The following TTLL7 variants were observed in gnomAD, a reference collection of about 807,000 sequenced individuals.
TTLL7 encodes the protein tubulin tyrosine ligase like 7, also known as tubulin polyglutamylase TTLL7.
TTLL7 carries 53 observed loss-of-function variants against 120.2 expected under a neutral mutation model. The observed-to-expected ratio is 0.44, with a 90% CI of 0.35 to 0.55. The LOEUF (loss-of-function observed/expected upper bound fraction) is 0.55, where lower values mean the gene tolerates loss of function less well. Among genes scored for constraint, TTLL7 ranks in the 20% least tolerant of loss-of-function variants. The pLI is 0.00. For missense variants in TTLL7, 803 were observed against 1,054.7 expected, an observed-to-expected ratio of 0.76 and a Z score of 3.31; for synonymous variants, 353 against 351.7, an observed-to-expected ratio of 1.00 and a Z score of -0.04.
chr1:83,870,003 G>T lies in TTLL7; in HGVS notation c.2623C>A (p.Arg875Ser), dbSNP rs764177870. Residue 875 changes from arginine to serine, a missense_variant, in exon 21 of 21, where the codon CGC (arginine) becomes AGC (serine). Physicochemically the swap from Arg to Ser is moderately radical, Grantham distance 110. This residue lies in a region of TTLL7 where 388 missense variants were observed against 450.4 expected (regional missense o/e 0.86). Coordinates refer to ENST00000260505, the MANE Select transcript of TTLL7 (RefSeq NM_024686.6). ...NLKYNSPGMT[R>S]SNVLFTSRYG... ...CTGGATGTAAACAAAACATTGGAGC[G>T]AGTCATTCCAGGTGAATTGTACTTC... is the stretch of plus-strand genomic sequence containing the variant. 1 of 1,591,242 alleles carries T rather than the reference G, an allele frequency of 6.3e-7. No individual in the cohort carries two copies. Among genetic ancestry groups the T allele is most frequent in the Admixed American group, 1.8e-5 (1 of 54,590 alleles).
rs1336151359 is a variant in TTLL7, at chr1:83,919,762, G to A, written c.1437C>T (p.Thr479=). The A allele has an allele frequency of 6.2e-7, 1 of 1,612,824 alleles. No individual in the cohort carries two copies. Among genetic ancestry groups the A allele is most frequent in the African/African-American group, 1.3e-5 (1 of 74,850 alleles). ...ATGAAGCTGCTCTTCCTGAAAGGAA[G>A]GTCTGAAAGGCAACAGCTAACAAAT... ...YENLLAVAFQ[T]FLSGRAASFQ... The change falls in exon 13 of 21, where the codon ACC becomes ACT. Residue 479 remains threonine, a synonymous_variant. Transcript: ENST00000260505.
chr1:83,905,285 A>G (rs1459207515), intron 17 of TTLL7, among the ~76,000 whole-genome samples: 3 of 151,866 alleles, frequency 2.0e-5, no homozygotes, highest in African/African-American at 7.2e-5. Context: ...ATATATAACA[A>G]CAAAATATAT....
At chr1:83,972,341 A>G (rs1557771095) in intron 1 of TTLL7, among the ~76,000 whole-genome samples, 3 of 152,068 alleles carry the variant, frequency 2.0e-5, no homozygotes, top group South Asian at 2.1e-4. Context: ...CTAGAATGTC[A>G]TATGGTTGGA....
chr1:83,890,409 C>T lies in TTLL7; in HGVS notation c.2281G>A (p.Val761Ile). 1 of 1,613,374 alleles carries T rather than the reference C, an allele frequency of 6.2e-7. No homozygotes were observed. The highest frequency in any genetic ancestry group is 8.5e-7 in the Non-Finnish European group (1 of 1,179,544). ...CGGTTGAAAATCCGATATAAATTTA[C>T]TTCTTCAACATCAGGCACCTTCCAG... is the stretch of plus-strand genomic sequence containing the variant. ...RIWKVPDVEE[V>I]NLYRIFNRVF... The change falls in exon 19 of 21, where the codon GTA becomes ATA. Residue 761 changes from valine (V) to isoleucine (I), a missense_variant. Around this residue, in one of 3 missense-constraint regions of TTLL7, gnomAD observed 388 missense variants for 450.4 expected, o/e 0.86. Coordinates refer to ENST00000260505, the MANE Select transcript of TTLL7 (RefSeq NM_024686.6).
chr1:83,875,618 C>T (rs765465996), intron 20 of TTLL7, among the ~76,000 whole-genome samples: 7 of 151,874 alleles, frequency 4.6e-5, no homozygotes, highest in Non-Finnish European at 7.4e-5. Context: ...TTTCACTTTA[C>T]AAGCAGGGTA....
chr1:83,941,396 T>C (rs1483648351), intron 7 of TTLL7, among the ~76,000 whole-genome samples: 3 of 152,264 alleles, frequency 2.0e-5, no homozygotes, highest in Non-Finnish European at 2.9e-5. Context: ...TACTTGGTGA[T>C]TGGCTTTATC....
chr1:83,866,348 C>T lies in TTLL7; in HGVS notation c.*3614G>A, dbSNP rs759889469. The T allele has an allele frequency of 2.0e-4, 31 of 151,614 alleles. No homozygotes were observed. The highest frequency in any genetic ancestry group is 7.3e-4 in the African/African-American group (30 of 41,374). 9.4% of individuals were successfully genotyped at this position (151,614 alleles called of 1,614,324 possible). ...AGTACTTTGACATGCTAAAGAAGAA[C>T]GTATTTGGATTATTAAAACATCTGA... On this transcript the variant is annotated 3_prime_UTR_variant, in exon 21 of 21. Transcript: ENST00000260505.
intron 1 of TTLL7, chr1:83,980,297 T>G (rs1651837278): frequency 6.6e-6 from 1 of 152,164 alleles, no homozygotes; most frequent in African/African-American, 2.4e-5. Context: ...TGGAGCCACA[T>G]TCTCCAAATG....
At chr1:83,885,307 T>G (rs1189238345) in intron 19 of TTLL7, among the ~76,000 whole-genome samples, 1 of 152,028 alleles carries the variant, frequency 6.6e-6, no homozygotes, top group African/African-American at 2.4e-5. Flanking sequence ...ATTTATTTCT[T>G]CATACTCTGG....
intron 10 of TTLL7, among the ~76,000 whole-genome samples, chr1:83,925,229 C>T (rs1659014744): frequency 6.6e-6 from 1 of 152,166 alleles, no homozygotes. Flanking sequence ...TGTCTCAAAG[C>T]ATCCCAAAAT....
intron 20 of TTLL7, among the ~76,000 whole-genome samples, chr1:83,873,910 AT>A (rs1420660476): frequency 6.6e-6 from 1 of 152,144 alleles, no homozygotes; most frequent in African/African-American, 2.4e-5. Context: ...AAAACTCAGG[AT>A]AAATAAAGCT....
chr1:83,983,226 G>A (rs1031111275), intron 1 of TTLL7, among the ~76,000 whole-genome samples: 1 of 152,160 alleles, frequency 6.6e-6, no homozygotes, highest in African/African-American at 2.4e-5. Flanking sequence ...AGCTACTCGA[G>A]AGGCTGAGGC....
rs71582911 is a variant in TTLL7 at position 83,909,269 on chromosome 1, C to CTTT, written c.1787-1611_1787-1609dup. Among the ~76,000 whole-genome samples, 131 of 99,276 alleles carry CTTT rather than the reference C, an allele frequency of 1.3e-3. 1 individual carries two copies. Among genetic ancestry groups the CTTT allele is most frequent in the East Asian group, 2.1e-3 (7 of 3,372 alleles). The allele number at this position is 99,276 out of a possible 152,430, so 65.1% of individuals were successfully genotyped here. A position where few individuals can be genotyped will look rare whatever the true frequency, so the allele number is the denominator to read the frequency against. ...TCATCACAGATTACTTTTTTTTTTCCTTTTTTTTTTTTTTTTTTTGCCTAC... is the reference window on the plus strand; with the variant it reads ...TCATCACAGATTACTTTTTTTTTTCCTTTTTTTTTTTTTTTTTTTTTTGCCTAC... On this transcript the variant is annotated intron_variant, in intron 15 of 20. Coordinates refer to ENST00000260505, the MANE Select transcript of TTLL7 (RefSeq NM_024686.6).
chr1:83,978,310 T>C (rs1340925184), intron 1 of TTLL7, among the ~76,000 whole-genome samples: 1 of 152,182 alleles, frequency 6.6e-6, no homozygotes, highest in Non-Finnish European at 1.5e-5. Flanking sequence ...AGCTTCCCAA[T>C]CCTTTTTAGC....
Position 83,921,068 on chromosome 1 carries a change from A to G in TTLL7, c.1364+19T>C. 6.2e-7 allele frequency: 1 copy of G among 1,600,942 alleles called. No homozygotes were observed. On this transcript the variant is annotated intron_variant, in intron 12 of 20. Coordinates refer to ENST00000260505, the MANE Select transcript of TTLL7 (RefSeq NM_024686.6). ...ATACTTCATTTTTTCAATCTATACA[A>G]AAATAGCAGCACAGTTACCTATAAT...
intron 1 of TTLL7, among the ~76,000 whole-genome samples, chr1:83,968,276 G>A (rs1238185539): frequency 6.6e-6 from 1 of 151,892 alleles, no homozygotes; most frequent in Non-Finnish European, 1.5e-5. Context: ...ATGAGTACCA[G>A]CTCTCCATCT....
rs145043755 is a variant in TTLL7, at chr1:83,932,366, T to A, written c.1047+1242A>T. Among the ~76,000 whole-genome samples, 11 of 152,234 alleles carry A rather than the reference T, an allele frequency of 7.2e-5. No individual in the cohort carries two copies. The East Asian group carries it at 2.1e-3, about 29-fold the overall frequency. On this transcript the variant is annotated intron_variant, in intron 9 of 20. Transcript: ENST00000260505. ...AAGAAAACTTCAGGCCTTAGCAAGA[T>A]GAAGGGTCCATAGTGCATAGTCAAG...
intron 14 of TTLL7, chr1:83,913,076 C>T (rs139760064): frequency 6.6e-6 from 1 of 152,104 alleles, no homozygotes; most frequent in Non-Finnish European, 1.5e-5. Flanking sequence ...TACAGCTGAG[C>T]CTTTGTGTCT....
chr1:83,994,495 T>C (rs2100655883), intron 1 of TTLL7, among the ~76,000 whole-genome samples: 1 of 152,180 alleles, frequency 6.6e-6, no homozygotes, highest in South Asian at 2.1e-4. Flanking sequence ...ATCCCTACAA[T>C]GAATAGAGGA....
Sources: gnomAD v4.1 joint callset for allele counts (sites outside exome capture counted in the v4.1 genomes callset) on GRCh38, gnomAD v4.1.1 for gene constraint, gnomAD v4.1.1 regional missense constraint, MANE v1.5 for transcripts, NCBI Gene and HGNC (gene_info 2026-07-23, HGNC 2026-07-21) for gene names.